Variants in CACNA1C observed in about 807,000 individuals in gnomAD.
The protein encoded by CACNA1C is voltage-dependent L-type calcium channel subunit alpha-1C.
A neutral mutation model predicts 229.0 loss-of-function variants in CACNA1C; 30 were observed. The observed-to-expected ratio is 0.13, with a 90% CI of 0.10 to 0.18. The LOEUF is 0.18. Among genes scored for constraint, CACNA1C ranks in the 10% least tolerant of loss-of-function variants. The pLI is 1.00. For missense variants in CACNA1C, 1,658 were observed against 2,845.0 expected, an observed-to-expected ratio of 0.58 and a Z score of 9.49; for synonymous variants, 1,114 against 1,132.5, an observed-to-expected ratio of 0.98 and a Z score of 0.33.
At chr12:2,234,718 C>G (rs1343306423) in intron 3 of CACNA1C, among the ~76,000 whole-genome samples, 1 of 151,996 alleles carries the variant, frequency 6.6e-6, no homozygotes, top group Non-Finnish European at 1.5e-5. Flanking sequence ...CTCGTATGTC[C>G]CATCCTGCTT....
intron 1 of CACNA1C, among the ~76,000 whole-genome samples, chr12:2,027,332 A>G (rs968062287): frequency 3.3e-5 from 5 of 152,188 alleles, no homozygotes; most frequent in African/African-American, 1.2e-4. Context: ...AAGGAGATCA[A>G]TCTTTCTTCT....
In CACNA1C at chr12:2,009,106, A is replaced by G. The variant is rs900232989; in HGVS notation, c.139+37905A>G. Among the ~76,000 whole-genome samples the G allele has an allele frequency of 2.6e-5, 4 of 152,350 alleles. No homozygotes were observed. In the East Asian group the frequency reaches 7.7e-4, roughly 29 times the overall value. On this transcript the variant is annotated intron_variant, in intron 1 of 46. Coordinates refer to the CACNA1C transcript ENST00000682462. ...CTTCCACTGTGTTTCCATAAGCCTC[A>G]TGATGATACCTTGGACAAATATTGG...
intron 5 of CACNA1C, among the ~76,000 whole-genome samples, chr12:2,458,065 C>G (rs996232436): frequency 6.6e-6 from 1 of 152,190 alleles, no homozygotes. Context: ...GGCTCCAGAG[C>G]ACTTTAGCCA....
intron 3 of CACNA1C, among the ~76,000 whole-genome samples, chr12:2,302,972 G>A (rs1166291109): frequency 6.6e-6 from 1 of 152,210 alleles, no homozygotes; most frequent in Non-Finnish European, 1.5e-5. Flanking sequence ...AGGGGGGCCT[G>A]GTAAATGCAG....
chr12:2,600,659 T>C (rs1350478936), intron 21 of CACNA1C, among the ~76,000 whole-genome samples: 1 of 152,238 alleles, frequency 6.6e-6, no homozygotes, highest in East Asian at 1.9e-4. Flanking sequence ...AGTGCGCAGC[T>C]TTACACCAGG....
chr12:2,282,005 A>G lies in CACNA1C; in HGVS notation c.477+161575A>G, dbSNP rs1373189508. ...ATGTCCTTCATTTTGGATAGTTCCTATACTATGTGTTTATGAATCTTCTCT... is the reference window on the plus strand; with the variant it reads ...ATGTCCTTCATTTTGGATAGTTCCTGTACTATGTGTTTATGAATCTTCTCT... On this transcript the variant is annotated intron_variant, in intron 3 of 46. Coordinates refer to ENST00000399655, the MANE Select transcript of CACNA1C (RefSeq NM_000719.7). 2.6e-5 allele frequency among the ~76,000 whole-genome samples: 4 copies of G among 151,978 alleles called. No individual in the cohort carries two copies. In the East Asian group the frequency reaches 7.7e-4, roughly 29 times the overall value.
At chr12:1,990,984 C>CA (rs58516806) in intron 1 of CACNA1C, 94,808 of 320,268 alleles carry the variant, frequency 0.3, 7,602 homozygotes, top group African/African-American at 0.43. Context: ...ATAGAAAGGA[C>CA]AAAAAAAAAA....
In CACNA1C at chr12:2,212,010, C is replaced by T. The variant is rs370494109; in HGVS notation, c.477+91580C>T. Among the ~76,000 whole-genome samples the T allele has an allele frequency of 3.9e-5, 6 of 152,264 alleles. No individual in the cohort carries two copies. The East Asian group carries it at 5.8e-4, about 15-fold the overall frequency. On this transcript the variant is annotated intron_variant, in intron 3 of 46. Coordinates refer to ENST00000399655, the MANE Select transcript of CACNA1C (RefSeq NM_000719.7). ...TGCTGGGATTATAGGCATGAGCCAC[C>T]GCGCCCGGCCTCTTTCTGCTACCTT...
chr12:2,183,301 AGAGC>A (rs1483831825), intron 3 of CACNA1C, among the ~76,000 whole-genome samples: 2 of 152,146 alleles, frequency 1.3e-5, no homozygotes, highest in African/African-American at 4.8e-5. Flanking sequence ...GTAGGAGAAC[AGAGC>A]TCCTTCGCCT....
intron 3 of CACNA1C, among the ~76,000 whole-genome samples, chr12:2,407,045 A>G (rs1416812786): frequency 6.6e-6 from 1 of 152,246 alleles, no homozygotes; most frequent in African/African-American, 2.4e-5. Flanking sequence ...GGCGTGGCTC[A>G]GGCTCACTGC....
intron 6 of CACNA1C, among the ~76,000 whole-genome samples, chr12:2,492,591 G>A (rs955920197): frequency 3.3e-5 from 5 of 152,198 alleles, no homozygotes; most frequent in Admixed American, 6.5e-5. Context: ...TCCGTCTTTC[G>A]CCTATGTAAG....
At position 2,486,967 on chromosome 12, in the gene CACNA1C, A is replaced by G. The variant is rs576255618; in HGVS notation, c.916+705A>G. Among the ~76,000 whole-genome samples the G allele has an allele frequency of 7.9e-5, 12 of 152,328 alleles. 1 individual carries two copies. The highest frequency in any genetic ancestry group is 2.0e-4 in the Admixed American group (3 of 15,302). On this transcript the variant is annotated intron_variant, in intron 6 of 46. Coordinates refer to ENST00000399655, the MANE Select transcript of CACNA1C (RefSeq NM_000719.7). This position sits in a 1 kb window ranked among gnomAD's most constrained non-coding sequence, Gnocchi z 4.9. ...CCATAAATCAATATATTTAACAGCA[A>G]TGCTGGCTCATTAGGCGCTTCCCTG...
chr12:2,004,080 T>C lies in CACNA1C; in HGVS notation c.139+32879T>C. 5.7e-6 allele frequency: 4 copies of C among 696,832 alleles called. No homozygotes were observed. The South Asian group carries it at 7.5e-5, about 13-fold the overall frequency. The allele number at this position is 696,832 out of a possible 1,614,324, so 43.2% of individuals were successfully genotyped here. A position where few individuals can be genotyped will look rare whatever the true frequency, so the allele number is the denominator to read the frequency against. ...TAGAGATTTAAGTCTTTTCCCCAAC[T>C]CCAGGTAGCTCCACAGATCCGCCTT... On this transcript the variant is annotated intron_variant, in intron 1 of 46. Coordinates refer to the CACNA1C transcript ENST00000682462.
At chr12:2,497,969 T>TCTCACACACACACACA (rs145657634) in intron 7 of CACNA1C, among the ~76,000 whole-genome samples, 92 of 143,916 alleles carry the variant, frequency 6.4e-4, no homozygotes, top group African/African-American at 1.9e-3. Context: ...TCTATTAAAT[T>TCTCACACACACACACA]CACACACACA....
rs71441677 is a variant in CACNA1C at position 2,100,582 on chromosome 12, C to CAA, written c.50-14618_50-14617dup. On this transcript the variant is annotated intron_variant, in intron 1 of 46. Coordinates refer to ENST00000399655, the MANE Select transcript of CACNA1C (RefSeq NM_000719.7). ...CTGGGCAACATAGCCCTGTTTCTACCAAAAAAAAAAAAAAAAAAAAAAAAA... is the reference window on the plus strand; with the variant it reads ...CTGGGCAACATAGCCCTGTTTCTACCAAAAAAAAAAAAAAAAAAAAAAAAAAA... 7.7e-4 allele frequency among the ~76,000 whole-genome samples: 51 copies of CAA among 66,452 alleles called. 1 individual carries two copies. The highest frequency in any genetic ancestry group is 2.1e-3 in the African/African-American group (39 of 18,894). 43.6% of individuals were successfully genotyped at this position (66,452 alleles called of 152,430 possible). A position where few individuals can be genotyped will look rare whatever the true frequency, so the allele number is the denominator to read the frequency against.
At chr12:2,502,868 G>A (rs1319404370) in intron 7 of CACNA1C, among the ~76,000 whole-genome samples, 3 of 152,200 alleles carry the variant, frequency 2.0e-5, no homozygotes, top group African/African-American at 7.2e-5. Flanking sequence ...AAATCGTGGG[G>A]TGGTTATCAA....
At chr12:2,661,267 A>C (rs939832922) in intron 34 of CACNA1C, among the ~76,000 whole-genome samples, 5 of 138,612 alleles carry the variant, frequency 3.6e-5, no homozygotes, top group Non-Finnish European at 6.0e-5. Context: ...ATCTCTAAAC[A>C]CATACACACA....
chr12:2,401,964 A>G (rs2098685793), intron 3 of CACNA1C, among the ~76,000 whole-genome samples: 1 of 152,246 alleles, frequency 6.6e-6, no homozygotes, highest in Non-Finnish European at 1.5e-5. Flanking sequence ...GCCTCTGACA[A>G]TGGGATGAGG....
chr12:2,058,527 GT>G (rs1428878784), intron 1 of CACNA1C, among the ~76,000 whole-genome samples: 6 of 151,902 alleles, frequency 3.9e-5, no homozygotes, highest in African/African-American at 1.5e-4. Flanking sequence ...CAGAAGATTG[GT>G]TTTAAAAAAA....
Sources: allele counts gnomAD v4.1 joint callset (sites outside exome capture counted in the v4.1 genomes callset), GRCh38; gene constraint gnomAD v4.1.1; non-coding constraint Gnocchi (gnomAD v3.1); transcripts MANE v1.5; gene names NCBI Gene and HGNC (gene_info 2026-07-23, HGNC 2026-07-21).